RGPD8: variants seen among roughly 807,000 people sequenced by gnomAD.
RGPD8 encodes RANBP2-like and GRIP domain-containing protein 8.
Under a neutral mutation model 89.1 loss-of-function variants are expected in RGPD8, and 15 were observed. That is an observed-to-expected ratio of 0.17 (90% confidence interval 0.11 to 0.26). RGPD8 has a LOEUF of 0.26. RGPD8 is among the 10% of genes least tolerant of loss of function. The pLI is 1.00. For missense variants in RGPD8, 178 were observed against 1,179.6 expected (o/e 0.15, Z 12.44); for synonymous variants, 62 against 420.9 (o/e 0.15, Z 10.44).
At chr2:112,370,362 C>CTTTTTTTTTTTTTT (rs1215225125) in intron 22 of RGPD8, 150 bp from the exon 23 acceptor site, 1 of 99,382 alleles carries the variant, frequency 1.0e-5, no homozygotes, top group African/African-American at 8.9e-5. Flanking sequence ...GGGGGGGGTT[C>CTTTTTTTTTTTTTT]TTTTTTTTTT....
rs571971803 is a variant in RGPD8, at chr2:112,430,262, C to A, written c.72+3120G>T. Among the ~76,000 whole-genome samples the A allele has an allele frequency of 7.2e-5, 11 of 152,240 alleles. No homozygotes were observed. In the East Asian group the frequency reaches 2.1e-3, roughly 29 times the overall value. Reference sequence around the variant, plus strand: ...CTGCCAAACTGGGGGAGAATACTAACCTCTTCATATTCTTCACAGCCACTG... The same window carrying A: ...CTGCCAAACTGGGGGAGAATACTAAACTCTTCATATTCTTCACAGCCACTG... On this transcript the variant is annotated intron_variant, in intron 1 of 22. Transcript: ENST00000302558.
chr2:112,413,089 T>C (rs1433137920), intron 6 of RGPD8, among the ~76,000 whole-genome samples: 5 of 132,020 alleles, frequency 3.8e-5, no homozygotes, highest in Non-Finnish European at 6.2e-5. Context: ...CTCTTTTTAC[T>C]ATATAGATCA....
Position 112,371,865 on chromosome 2 carries a change from T to A in RGPD8, c.5264-1653A>T, listed in dbSNP as rs1021185496. Among the ~76,000 whole-genome samples, 4 of 150,770 alleles carry A rather than the reference T, an allele frequency of 2.7e-5. No homozygotes were observed. In the East Asian group the frequency reaches 7.8e-4, roughly 29 times the overall value. Reference sequence around the variant, plus strand: ...CTTAGGCAGAGTAGCATTTTCAAAATTTTACATGGGGAAACTTTCTAGAGT... The same window carrying A: ...CTTAGGCAGAGTAGCATTTTCAAAAATTTACATGGGGAAACTTTCTAGAGT... On this transcript the variant is annotated intron_variant, in intron 22 of 22. Transcript: ENST00000302558.
chr2:112,405,225 GAAC>G (rs1156428606), intron 8 of RGPD8, among the ~76,000 whole-genome samples: 4 of 140,872 alleles, frequency 2.8e-5, no homozygotes, highest in African/African-American at 1.1e-4. Flanking sequence ...AATACTCTAT[GAAC>G]ATAGTAAAAG....
At chr2:112,424,777 C>T (rs1261558902) in intron 1 of RGPD8, among the ~76,000 whole-genome samples, 1 of 150,286 alleles carries the variant, frequency 6.7e-6, no homozygotes, top group African/African-American at 2.5e-5. Context: ...CATAAATAAG[C>T]TGGGTGCAGT....
In RGPD8 at chr2:112,410,669, G is replaced by A. The variant is rs374915567; in HGVS notation, c.978+1762C>T. ...GGTGTGTGCCTGTAATCCCAGATAC[G>A]TGACAGGCTGAAGCAGGAGAATCAC... On this transcript the variant is annotated intron_variant, in intron 7 of 22. Transcript: ENST00000302558. 3.0e-4 allele frequency among the ~76,000 whole-genome samples: 45 copies of A among 150,990 alleles called. No homozygotes were observed. The East Asian group carries it at 3.1e-3, about 10-fold the overall frequency.
intron 1 of RGPD8, among the ~76,000 whole-genome samples, chr2:112,428,309 G>C (rs558929199): frequency 0.084 from 10,760 of 128,736 alleles, 488 homozygotes; most frequent in Middle Eastern, 0.11. Context: ...GCCGGGCATG[G>C]TGGCGCACAC....
chr2:112,411,293 C>T (rs1679187357), intron 7 of RGPD8, among the ~76,000 whole-genome samples: 2 of 145,034 alleles, frequency 1.4e-5, no homozygotes, highest in Admixed American at 6.8e-5. Flanking sequence ...AAAGGCCAGG[C>T]ATGGTGGCTC....
intron 2 of RGPD8, among the ~76,000 whole-genome samples, chr2:112,423,773 G>C (rs1679639850): frequency 6.6e-6 from 1 of 151,804 alleles, no homozygotes; most frequent in South Asian, 2.1e-4. Flanking sequence ...CAGGAAATCA[G>C]AATCACCAAG....
At chr2:112,413,702 TTTTTTG>T (rs1490536035) in intron 6 of RGPD8, among the ~76,000 whole-genome samples, 2 of 128,006 alleles carry the variant, frequency 1.6e-5, no homozygotes, top group Admixed American at 7.7e-5. Flanking sequence ...AGAGCTGACT[TTTTTTG>T]TTTTTGTTTT....
chr2:112,429,292 G>T (rs1270033441), intron 1 of RGPD8, among the ~76,000 whole-genome samples: 1 of 149,894 alleles, frequency 6.7e-6, no homozygotes, highest in East Asian at 2.0e-4. Context: ...GTTGTGGCGG[G>T]TGCCTGTAGT....
At chr2:112,411,155 C>T (rs1369559658) in intron 7 of RGPD8, among the ~76,000 whole-genome samples, 3 of 152,224 alleles carry the variant, frequency 2.0e-5, no homozygotes, top group Non-Finnish European at 4.4e-5. Context: ...TTTTTCCCTC[C>T]CCAAGCAAAA....
chr2:112,431,736 A>C (rs568006932), intron 1 of RGPD8, among the ~76,000 whole-genome samples: 31 of 151,658 alleles, frequency 2.0e-4, no homozygotes, highest in African/African-American at 7.0e-4. Context: ...TCCCGGGTTC[A>C]AGCGACTCTC....
chr2:112,413,022 C>A (rs1679247704), intron 6 of RGPD8, among the ~76,000 whole-genome samples: 1 of 99,966 alleles, frequency 1.0e-5, no homozygotes, highest in Admixed American at 1.0e-4. Flanking sequence ...TTAGACATAC[C>A]ATTTCCAAAT....
intron 1 of RGPD8, among the ~76,000 whole-genome samples, chr2:112,431,364 T>C (rs1680025996): frequency 6.6e-6 from 1 of 152,220 alleles, no homozygotes; most frequent in Non-Finnish European, 1.5e-5. Context: ...ATTTATACTA[T>C]GCTAGCAGTT....
intron 6 of RGPD8, among the ~76,000 whole-genome samples, chr2:112,414,901 G>T (rs1679323027): frequency 9.6e-6 from 1 of 103,678 alleles, no homozygotes; most frequent in Non-Finnish European, 1.9e-5. Context: ...GCACCTGTAG[G>T]CCCAGCTACT....
chr2:112,416,087 T>A (rs1679396512), intron 6 of RGPD8, among the ~76,000 whole-genome samples: 1 of 19,940 alleles, frequency 5.0e-5, no homozygotes, highest in African/African-American at 3.4e-4. Flanking sequence ...AGACTCCATC[T>A]CAAAAAAAAA....
intron 7 of RGPD8, among the ~76,000 whole-genome samples, chr2:112,408,735 G>A (rs1414553491): frequency 6.6e-6 from 1 of 150,980 alleles, no homozygotes; most frequent in Non-Finnish European, 1.5e-5. Flanking sequence ...GCAGTGGCAC[G>A]ATCTCGGCTC....
At position 112,432,248 on chromosome 2, in the gene RGPD8, C is replaced by A. The variant is rs1680072319; in HGVS notation, c.72+1134G>T. On this transcript the variant is annotated intron_variant, in intron 1 of 22. Transcript: ENST00000302558. ...ATCCAAAATAGATCACATTATTTACCTGTAAAGAGGAAAAATACCCTAAAA... is the reference window on the plus strand; with the variant it reads ...ATCCAAAATAGATCACATTATTTACATGTAAAGAGGAAAAATACCCTAAAA... Among the ~76,000 whole-genome samples, 5 of 152,004 alleles carry A rather than the reference C, an allele frequency of 3.3e-5. No individual in the cohort carries two copies. The South Asian group carries it at 1.0e-3, about 31-fold the overall frequency.
Sources: allele counts gnomAD v4.1 joint callset (sites outside exome capture counted in the v4.1 genomes callset), GRCh38; gene constraint gnomAD v4.1.1; transcripts MANE v1.5; gene names NCBI Gene and HGNC (gene_info 2026-07-23, HGNC 2026-07-21).